The following CHRM3 variants were observed in gnomAD, a reference collection of about 807,000 sequenced individuals.
CHRM3 encodes muscarinic acetylcholine receptor M3.
In CHRM3, 11 loss-of-function variants were observed where a neutral mutation model predicts 41.8. The ratio of observed to expected loss-of-function variants is 0.26; its 90% CI spans 0.17 to 0.44. CHRM3 has a LOEUF of 0.44. Among genes scored for constraint, CHRM3 ranks in the 20% least tolerant of loss-of-function variants. CHRM3 has a pLI of 1.00. For missense variants in CHRM3, 571 were observed against 745.4 expected, an observed-to-expected ratio of 0.77 and a Z score of 2.72; for synonymous variants, 297 against 301.4, an observed-to-expected ratio of 0.99 and a Z score of 0.15.
chr1:239,899,316 C>A (rs1024044488), intron 6 of CHRM3, among the ~76,000 whole-genome samples: 4 of 138,502 alleles, frequency 2.9e-5, no homozygotes, highest in African/African-American at 1.1e-4. Context: ...TGTATATACA[C>A]ACACGCATAT....
At chr1:239,536,511 A>T (rs2148362564) in intron 2 of CHRM3, among the ~76,000 whole-genome samples, 2 of 152,346 alleles carry the variant, frequency 1.3e-5, no homozygotes, top group Middle Eastern at 6.8e-3. Flanking sequence ...ATTCCAAAAC[A>T]TACCATAGAC....
chr1:239,712,892 A>G (rs531002538), intron 5 of CHRM3, among the ~76,000 whole-genome samples: 1 of 152,308 alleles, frequency 6.6e-6, no homozygotes, highest in African/African-American at 2.4e-5. Flanking sequence ...AAGTAAAAAG[A>G]CATATTTTTG....
At chr1:239,844,779 GGTGA>G (rs1674124814) in intron 6 of CHRM3, among the ~76,000 whole-genome samples, 1 of 152,100 alleles carries the variant, frequency 6.6e-6, no homozygotes, top group African/African-American at 2.4e-5. Context: ...CTGAATTATT[GGTGA>G]GTAAGTGGCA....
intron 1 of CHRM3, among the ~76,000 whole-genome samples, chr1:239,412,815 T>A (rs1661203169): frequency 6.6e-6 from 1 of 152,080 alleles, no homozygotes; most frequent in African/African-American, 2.4e-5. Context: ...GAACACAGAC[T>A]TATTTCAAGA....
chr1:239,809,439 C>T (rs1322345892), intron 5 of CHRM3, among the ~76,000 whole-genome samples: 1 of 152,096 alleles, frequency 6.6e-6, no homozygotes, highest in Non-Finnish European at 1.5e-5. Flanking sequence ...CATCTTCCCT[C>T]ACTGTGTCCC....
At chr1:239,410,549 T>C (rs904661993) in intron 1 of CHRM3, among the ~76,000 whole-genome samples, 4 of 152,194 alleles carry the variant, frequency 2.6e-5, no homozygotes, top group African/African-American at 9.6e-5. Flanking sequence ...AGACACATCC[T>C]GGTGTCAGGG....
At chr1:239,541,797 G>A (rs1261558059) in intron 2 of CHRM3, among the ~76,000 whole-genome samples, 2 of 152,162 alleles carry the variant, frequency 1.3e-5, no homozygotes, top group Non-Finnish European at 2.9e-5. Flanking sequence ...ACAGGCATGA[G>A]CCACCATGCC....
intron 2 of CHRM3, among the ~76,000 whole-genome samples, chr1:239,513,943 T>G (rs1167126364): frequency 6.6e-6 from 1 of 152,176 alleles, no homozygotes; most frequent in African/African-American, 2.4e-5. Flanking sequence ...GTTGCTATAC[T>G]TAGTTATTCA....
intron 1 of CHRM3, among the ~76,000 whole-genome samples, chr1:239,441,550 A>G (rs1386252413): frequency 6.6e-6 from 1 of 152,230 alleles, no homozygotes; most frequent in African/African-American, 2.4e-5. Flanking sequence ...ATCTGTCTGC[A>G]AACCAAGAGA....
At chr1:239,759,834 T>C (rs1217101119) in intron 5 of CHRM3, among the ~76,000 whole-genome samples, 1 of 152,210 alleles carries the variant, frequency 6.6e-6, no homozygotes, top group African/African-American at 2.4e-5. Context: ...CTAGAGAAGC[T>C]TCGCTGAATC....
intron 3 of CHRM3, among the ~76,000 whole-genome samples, chr1:239,610,015 A>T (rs1372952109): frequency 6.6e-6 from 1 of 151,932 alleles, no homozygotes; most frequent in African/African-American, 2.4e-5. Context: ...ACATGGTGAA[A>T]CCCCGTCTCT....
At chr1:239,605,237 G>C (rs1221451822) in intron 3 of CHRM3, among the ~76,000 whole-genome samples, 1 of 152,122 alleles carries the variant, frequency 6.6e-6, no homozygotes, top group Non-Finnish European at 1.5e-5. Context: ...ATGAGGGACA[G>C]TGCATGTAAT....
chr1:239,691,775 A>G (rs1037613741), intron 5 of CHRM3, among the ~76,000 whole-genome samples: 2 of 152,168 alleles, frequency 1.3e-5, no homozygotes, highest in Non-Finnish European at 2.9e-5. Context: ...TAGTGAATTA[A>G]ATGTCTGTCT....
At chr1:239,591,837 T>C (rs1409202590) in intron 3 of CHRM3, among the ~76,000 whole-genome samples, 1 of 152,156 alleles carries the variant, frequency 6.6e-6, no homozygotes, top group African/African-American at 2.4e-5. Flanking sequence ...AGTGATAGCA[T>C]TTTGTTTATT....
At chr1:239,415,595 G>A (rs574578783) in intron 1 of CHRM3, among the ~76,000 whole-genome samples, 1 of 152,210 alleles carries the variant, frequency 6.6e-6, no homozygotes, top group South Asian at 2.1e-4. Flanking sequence ...ATTCAGATAG[G>A]GAAAAATTTA....
intron 2 of CHRM3, among the ~76,000 whole-genome samples, chr1:239,532,767 T>C (rs138435552): frequency 6.6e-6 from 1 of 152,238 alleles, no homozygotes; most frequent in Non-Finnish European, 1.5e-5. Context: ...TTAAGAAGAA[T>C]ACCCTCTGGT....
intron 4 of CHRM3, among the ~76,000 whole-genome samples, chr1:239,642,868 GCT>G (rs1671337601): frequency 6.6e-6 from 1 of 152,106 alleles, no homozygotes. Context: ...CAGTTTTTCT[GCT>G]CTGTTTTTTC....
chr1:239,805,917 C>A (rs1421465485), intron 5 of CHRM3, among the ~76,000 whole-genome samples: 1 of 152,102 alleles, frequency 6.6e-6, no homozygotes, highest in Non-Finnish European at 1.5e-5. Flanking sequence ...TTCACGGTTT[C>A]TTCCTGGCAT....
intron 3 of CHRM3, among the ~76,000 whole-genome samples, chr1:239,571,963 A>G (rs567165116): frequency 6.6e-6 from 1 of 152,168 alleles, no homozygotes; most frequent in Non-Finnish European, 1.5e-5. Flanking sequence ...CCAGTATGTC[A>G]TATCAACTAC....
Sources: allele counts gnomAD v4.1 joint callset (sites outside exome capture counted in the v4.1 genomes callset), GRCh38; gene constraint gnomAD v4.1.1; transcripts MANE v1.5; gene names NCBI Gene and HGNC (gene_info 2026-07-23, HGNC 2026-07-21).